The following CHSY3 variants were observed in gnomAD, a reference collection of about 807,000 sequenced individuals.
CHSY3 encodes the protein chondroitin sulfate synthase 3.
Under a neutral mutation model 67.2 loss-of-function variants are expected in CHSY3, and 35 were observed. The observed-to-expected ratio is 0.52, with a 90% CI of 0.40 to 0.69. The LOEUF (loss-of-function observed/expected upper bound fraction) is 0.69. CHSY3 is among the 30% of genes least tolerant of loss of function. The probability of loss-of-function intolerance (pLI) is 0.00; values close to 1 mark genes in which losing one functional copy is unlikely to be tolerated. For missense variants in CHSY3, 1,069 were observed against 1,138.5 expected (o/e 0.94, Z 0.88); for synonymous variants, 474 against 434.7 (o/e 1.09, Z -1.12).
chr5:130,053,085 A>C (rs571282390), intron 2 of CHSY3, among the ~76,000 whole-genome samples: 1 of 152,152 alleles, frequency 6.6e-6, no homozygotes, highest in Non-Finnish European at 1.5e-5. Flanking sequence ...AAGATTAGAC[A>C]TGGCTCAATA....
chr5:130,109,160 C>G (rs17514963), intron 2 of CHSY3, among the ~76,000 whole-genome samples: 2 of 151,638 alleles, frequency 1.3e-5, no homozygotes, highest in Admixed American at 1.3e-4. Flanking sequence ...GTCCAAGAAA[C>G]TTTAAAACCG....
intron 2 of CHSY3, among the ~76,000 whole-genome samples, chr5:129,941,918 G>A (rs958310640): frequency 5.9e-5 from 9 of 152,092 alleles, no homozygotes; most frequent in East Asian, 1.9e-4. Flanking sequence ...TGCTAGAATC[G>A]CTCACAGAAC....
intron 2 of CHSY3, among the ~76,000 whole-genome samples, chr5:129,958,091 G>A (rs1044509016): frequency 1.3e-5 from 2 of 152,014 alleles, no homozygotes; most frequent in African/African-American, 4.8e-5. Flanking sequence ...TATTTGTAAT[G>A]TTCTCTGATT....
intron 2 of CHSY3, among the ~76,000 whole-genome samples, chr5:130,078,729 A>G (rs929075581): frequency 6.6e-6 from 1 of 152,150 alleles, no homozygotes; most frequent in Non-Finnish European, 1.5e-5. Context: ...ATTCCTATTG[A>G]CTTCATCAAA....
chr5:130,064,852 T>G (rs149048161), intron 2 of CHSY3, among the ~76,000 whole-genome samples: 110 of 152,326 alleles, frequency 7.2e-4, no homozygotes, highest in African/African-American at 2.6e-3. Context: ...TTTTCCTTTT[T>G]CTAGAGCTGC....
intron 2 of CHSY3, among the ~76,000 whole-genome samples, chr5:129,971,273 T>A (rs1348561972): frequency 2.6e-5 from 4 of 151,894 alleles, no homozygotes; most frequent in Admixed American, 1.3e-4. Flanking sequence ...GATATTCAAT[T>A]AATTAGTCAA....
intron 2 of CHSY3, among the ~76,000 whole-genome samples, chr5:130,058,439 C>T (rs542643538): frequency 1.3e-5 from 2 of 152,216 alleles, no homozygotes; most frequent in Admixed American, 1.3e-4. Context: ...ACCAGCCTGG[C>T]TAACATGGTA....
At chr5:130,028,019 TA>T (rs1764599168) in intron 2 of CHSY3, among the ~76,000 whole-genome samples, 1 of 152,152 alleles carries the variant, frequency 6.6e-6, no homozygotes, top group Non-Finnish European at 1.5e-5. Flanking sequence ...ATGGTATTTC[TA>T]GTTCTAGATC....
rs1358340559 is a variant in CHSY3, at chr5:130,184,554, G to A, written c.1412G>A (p.Gly471Glu). The stretch of plus-strand genomic sequence containing the variant: ...GTGATAGAATGGGAGTTCCTGACAG[G>A]GAAGCTTCTATACTCAGCAGCTGAG... ...NEVIEWEFLT[G>E]KLLYSAAENQ... is the part of the protein sequence containing the mutation. The change falls in exon 3 of 3, where the codon GGG becomes GAG. Residue 471 changes from glycine to glutamate, a missense_variant. By Grantham distance (98) the Gly-to-Glu change is moderately conservative (BLOSUM62 -2). Around this residue, in one of 5 missense-constraint regions of CHSY3, gnomAD observed 401 missense variants for 395.2 expected, o/e 1.01. Coordinates refer to ENST00000305031, the MANE Select transcript of CHSY3 (RefSeq NM_175856.5). 6.2e-7 allele frequency: 1 copy of A among 1,611,350 alleles called. No homozygotes were observed. Among genetic ancestry groups the A allele is most frequent in the Non-Finnish European group, 8.5e-7 (1 of 1,177,536 alleles).
chr5:130,074,189 G>A (rs1189006173), intron 2 of CHSY3, among the ~76,000 whole-genome samples: 1 of 151,974 alleles, frequency 6.6e-6, no homozygotes, highest in East Asian at 1.9e-4. Context: ...CTGTGCCTCA[G>A]GCTCTTGAGT....
chr5:130,155,408 C>T (rs1769350593), intron 2 of CHSY3, among the ~76,000 whole-genome samples: 1 of 152,152 alleles, frequency 6.6e-6, no homozygotes, highest in Non-Finnish European at 1.5e-5. Flanking sequence ...TACTTTAAAT[C>T]TGTTCAAGGC....
chr5:130,119,207 A>C (rs183640694), intron 2 of CHSY3, among the ~76,000 whole-genome samples: 1 of 152,338 alleles, frequency 6.6e-6, no homozygotes. Context: ...GTAGATATCC[A>C]GAACTCCAAC....
Position 130,184,549 on chromosome 5 carries a change from G to T in CHSY3, c.1407G>T (p.Leu469=). Residue 469 remains leucine, a synonymous_variant, in exon 3 of 3, where the codon CTG becomes CTT. Coordinates refer to ENST00000305031, the MANE Select transcript of CHSY3 (RefSeq NM_175856.5). The part of the protein sequence containing the change: ...ERNEVIEWEF[L]TGKLLYSAAE... ...ATGAAGTGATAGAATGGGAGTTCCT[G>T]ACAGGGAAGCTTCTATACTCAGCAG... is the stretch of plus-strand genomic sequence containing the variant. 6.2e-7 allele frequency: 1 copy of T among 1,611,808 alleles called. No individual in the cohort carries two copies. Among genetic ancestry groups the T allele is most frequent in the South Asian group, 1.1e-5 (1 of 91,016 alleles).
intron 2 of CHSY3, among the ~76,000 whole-genome samples, chr5:129,992,554 C>T (rs1346987379): frequency 6.6e-6 from 1 of 152,144 alleles, no homozygotes; most frequent in African/African-American, 2.4e-5. Context: ...ACACATTTCA[C>T]AGATGTTAGA....
intron 2 of CHSY3, among the ~76,000 whole-genome samples, chr5:130,041,279 A>G (rs1336541544): frequency 1.3e-5 from 2 of 152,086 alleles, no homozygotes; most frequent in African/African-American, 2.4e-5. Flanking sequence ...TCCCCAAGCA[A>G]TCAGGCTGAA....
chr5:129,976,810 C>T (rs1341533516), intron 2 of CHSY3, among the ~76,000 whole-genome samples: 1 of 151,736 alleles, frequency 6.6e-6, no homozygotes, highest in African/African-American at 2.4e-5. Context: ...TTTCTTATGA[C>T]AGGCTCTGTC....
chr5:130,138,164 A>G (rs9285917), intron 2 of CHSY3, among the ~76,000 whole-genome samples: 91,455 of 152,126 alleles, frequency 0.6, 28,833 homozygotes, highest in African/African-American at 0.79. Context: ...TACAGATGTT[A>G]TTTAAGAATA....
chr5:130,023,019 T>C (rs1413257160), intron 2 of CHSY3, among the ~76,000 whole-genome samples: 1 of 151,980 alleles, frequency 6.6e-6, no homozygotes, highest in African/African-American at 2.4e-5. Context: ...CTGAGAACCA[T>C]AAACAATGAC....
chr5:130,001,339 G>A (rs554883761), intron 2 of CHSY3: 1 of 651,208 alleles, frequency 1.5e-6, no homozygotes, highest in East Asian at 1.4e-4. Flanking sequence ...TTAGGGGCTT[G>A]GTGGAATTCT....
Sources: allele counts gnomAD v4.1 joint callset (sites outside exome capture counted in the v4.1 genomes callset), GRCh38; gene constraint gnomAD v4.1.1; regional missense constraint gnomAD v4.1.1; transcripts MANE v1.5; gene names NCBI Gene and HGNC (gene_info 2026-07-23, HGNC 2026-07-21).